Variants in BTK observed in about 807,000 individuals in gnomAD.
The protein encoded by BTK is Bruton tyrosine kinase.
In BTK, 5 loss-of-function variants were observed where a neutral mutation model predicts 57.4. The observed-to-expected ratio is 0.09, with a 90% CI of 0.05 to 0.18. BTK has a LOEUF of 0.18. BTK is among the 10% of genes least tolerant of loss of function. The pLI is 1.00. For synonymous variants in BTK, 154 were observed against 174.3 expected, an observed-to-expected ratio of 0.88 and a Z score of 0.92; for missense variants, 194 against 501.2, an observed-to-expected ratio of 0.39 and a Z score of 5.85.
chrX:101,360,656 C>T lies in BTK; in HGVS notation c.688G>A (p.Ala230Thr), dbSNP rs2147432829. 8.3e-7 allele frequency: 1 copy of T among 1,211,304 alleles called. No individual in the cohort carries two copies. The highest frequency in any genetic ancestry group is 3.0e-5 in the East Asian group (1 of 33,834). ...CCCTTCCGCAGCTGTAGATCATTTG[C>T]ATTCATTGGCATGTAATCATAAAGG... ...VALYDYMPMN[A>T]NDLQLRKGDE... The change falls in exon 8 of 19, where the codon GCA (alanine) becomes ACA (threonine). Residue 230 changes from alanine (A) to threonine (T), a missense_variant. Around this residue, in one of 3 missense-constraint regions of BTK, gnomAD observed 115 missense variants for 258.3 expected, o/e 0.45. Coordinates refer to ENST00000308731, the MANE Select transcript of BTK (RefSeq NM_000061.3).
At position 101,362,510 on chromosome X, in the gene BTK, G is replaced by A. The variant is rs571183950; in HGVS notation, c.520+51C>T. ...CTGGGCTTGACAGACCCTTGGGAGA[G>A]TGATGGAAACAGTCAAAGGAGAAAG... is the stretch of plus-strand genomic sequence containing the variant. On this transcript the variant is annotated intron_variant, in intron 6 of 18. Transcript: ENST00000308731. 5 of 1,204,988 alleles carry A rather than the reference G, an allele frequency of 4.1e-6. No homozygotes were observed. In the Admixed American group the frequency reaches 8.8e-5, roughly 21 times the overall value.
chrX:101,358,387 C>T lies in BTK; in HGVS notation c.1025G>A (p.Ser342Asn). ...RHYVVCSTPQ[S>N]QYYLAEKHLF... ...GTGCTTCTCAGCCAGGTAATACTGG[C>T]TCTGAGGTGTGGAACACACAACATA... Residue 342 changes from serine to asparagine, a missense_variant, in exon 12 of 19, where the codon AGC becomes AAC. Coordinates refer to ENST00000308731, the MANE Select transcript of BTK (RefSeq NM_000061.3). 8.3e-7 allele frequency: 1 copy of T among 1,211,851 alleles called. No homozygotes were observed. The highest frequency in any genetic ancestry group is 1.8e-5 in the South Asian group (1 of 56,992).
chrX:101,369,328 T>C (rs1555979952), intron 5 of BTK, among the ~76,000 whole-genome samples: 1 of 112,215 alleles, frequency 8.9e-6, no homozygotes, highest in African/African-American at 3.2e-5. Context: ...GAATTACCAT[T>C]ATTCTCCTTT....
intron 3 of BTK, among the ~76,000 whole-genome samples, chrX:101,373,342 G>A (rs1248464134): frequency 8.9e-6 from 1 of 111,914 alleles, no homozygotes; most frequent in Non-Finnish European, 1.9e-5. Context: ...TCTCAACATG[G>A]TTTATACTAT....
chrX:101,388,231 G>A (rs1474453953), upstream of BTK, among the ~76,000 whole-genome samples: 1 of 111,248 alleles, frequency 9.0e-6, no homozygotes, highest in African/African-American at 3.3e-5. Context: ...CCATCTTGGG[G>A]TGGGGACTGG....
intron 1 of BTK, among the ~76,000 whole-genome samples, chrX:101,384,529 G>A (rs782211294): frequency 1.0e-4 from 11 of 110,519 alleles, no homozygotes; most frequent in Non-Finnish European, 2.1e-4. Context: ...CCCGGGAGGC[G>A]GAGGTTGCGG....
chrX:101,376,650 A>G (rs1927224139), intron 1 of BTK, among the ~76,000 whole-genome samples: 1 of 110,140 alleles, frequency 9.1e-6, no homozygotes, highest in Admixed American at 9.7e-5. Flanking sequence ...CAAAAACAAC[A>G]ACAAAAAAAC....
chrX:101,382,283 C>T (rs1333611080), intron 1 of BTK, among the ~76,000 whole-genome samples: 3 of 108,376 alleles, frequency 2.8e-5, no homozygotes, highest in African/African-American at 1.0e-4. Flanking sequence ...GGCCTTAGGG[C>T]TCTCTGGTTC....
At chrX:101,389,632 T>G (rs2147461223), upstream of BTK, among the ~76,000 whole-genome samples, 1 of 111,471 alleles carries the variant, frequency 9.0e-6, no homozygotes, top group African/African-American at 3.3e-5. Context: ...TCAGCCCCTA[T>G]TCCACTGCCA....
Position 101,362,568 on chromosome X carries a change from C to A in BTK, c.513G>T (p.Arg171Ser). 8.3e-7 allele frequency: 1 copy of A among 1,211,951 alleles called. No homozygotes were observed. The highest frequency in any genetic ancestry group is 2.2e-5 in the Admixed American group (1 of 46,050). Reference protein sequence around the residue: ...NAMGCQILENRNGSLKPGSSH... With the variant: ...NAMGCQILENSNGSLKPGSSH... ...ATCGATCAGATTGCTTACTTCCATT[C>A]CTGTTCTCCAAAATTTGGCAGCCCA... Residue 171 changes from arginine (R) to serine (S), a missense_variant, in exon 6 of 19, where the codon AGG (arginine) becomes AGT (serine). Physicochemically the swap from Arg to Ser is moderately radical, Grantham distance 110 (BLOSUM62 -1). Coordinates refer to ENST00000308731, the MANE Select transcript of BTK (RefSeq NM_000061.3).
At position 101,358,617 on chromosome X, in the gene BTK, C is replaced by A; in HGVS notation, c.974G>T (p.Gly325Val). ...YTVSVFAKST[G>V]DPQGVIRHYV... ...AGGGCCTTGGAATAGTAGCACTCAC[C>A]CTGTGGATTTAGCAAACACAGACAC... is the stretch of plus-strand genomic sequence containing the variant. Residue 325 changes from glycine (G) to valine (V), a missense_variant and splice_region_variant, in exon 11 of 19, where the codon GGG becomes GTG. Transcript: ENST00000308731. The A allele has an allele frequency of 8.3e-7, 1 of 1,208,794 alleles. No individual in the cohort carries two copies. Among genetic ancestry groups the A allele is most frequent in the South Asian group, 1.8e-5 (1 of 56,857 alleles).
intron 18 of BTK, among the ~76,000 whole-genome samples, chrX:101,350,446 A>C (rs1210037511): frequency 3.9e-4 from 34 of 88,069 alleles, no homozygotes; most frequent in Non-Finnish European, 7.5e-4. Context: ...CAAAAAGACT[A>C]AGGTTTTTTT....
At chrX:101,351,435 C>T (rs1254176763) in intron 18 of BTK, among the ~76,000 whole-genome samples, 1 of 111,747 alleles carries the variant, frequency 8.9e-6, no homozygotes, top group Non-Finnish European at 1.9e-5. Context: ...TGGGAGGGAG[C>T]ATAGCCAATC....
chrX:101,382,431 A>T (rs1555981907), intron 1 of BTK, among the ~76,000 whole-genome samples: 1 of 110,419 alleles, frequency 9.1e-6, no homozygotes, highest in African/African-American at 3.3e-5. Flanking sequence ...GTTTCAAGCA[A>T]TTCTCTTGCC....
At chrX:101,383,553 T>C (rs1027891344) in intron 1 of BTK, among the ~76,000 whole-genome samples, 7 of 110,258 alleles carry the variant, frequency 6.3e-5, no homozygotes, top group African/African-American at 2.3e-4. Flanking sequence ...TTTTTTTCAT[T>C]GAGTCAATGA....
At position 101,358,763 on chromosome X, in the gene BTK, A is replaced by G. The variant is rs1272579363; in HGVS notation, c.895-67T>C. 37 of 897,092 alleles carry G rather than the reference A, an allele frequency of 4.1e-5. No homozygotes were observed. The South Asian group carries it at 6.4e-4, about 16-fold the overall frequency. 73.9% of individuals were successfully genotyped at this position (897,092 alleles called of 1,213,427 possible). On this transcript the variant is annotated intron_variant, in intron 10 of 18. Coordinates refer to ENST00000308731, the MANE Select transcript of BTK (RefSeq NM_000061.3). Reference sequence around the variant, plus strand: ...GCTCACACCTGCATCCCACCTGCCCAAACTTGAGAGAGAAAATAGAACAAC... The same window carrying G: ...GCTCACACCTGCATCCCACCTGCCCGAACTTGAGAGAGAAAATAGAACAAC...
At chrX:101,390,341 T>C (rs1331055278), upstream of BTK, 2 of 436,676 alleles carry the variant, frequency 4.6e-6, no homozygotes, top group Non-Finnish European at 8.1e-6. Flanking sequence ...AACAATTTCA[T>C]TGTCACTTTT....
chrX:101,379,383 T>G (rs1927335137), intron 1 of BTK, among the ~76,000 whole-genome samples: 1 of 111,503 alleles, frequency 9.0e-6, no homozygotes, highest in African/African-American at 3.3e-5. Flanking sequence ...GCTAGGAAGA[T>G]TCTGGCCATT....
chrX:101,384,651 C>T (rs1402253705), intron 1 of BTK, among the ~76,000 whole-genome samples: 4 of 110,406 alleles, frequency 3.6e-5, no homozygotes, highest in Admixed American at 9.7e-5. Context: ...AATAGCCATA[C>T]GCAATGGAAA....
Sources: gnomAD v4.1 joint callset for allele counts (sites outside exome capture counted in the v4.1 genomes callset) on GRCh38, gnomAD v4.1.1 for gene constraint, gnomAD v4.1.1 regional missense constraint, MANE v1.5 for transcripts, NCBI Gene and HGNC (gene_info 2026-07-23, HGNC 2026-07-21) for gene names.